The following DNAJB6 variants were observed in gnomAD, a reference collection of about 807,000 sequenced individuals.
The protein encoded by DNAJB6 is dnaJ homolog subfamily B member 6.
Under a neutral mutation model 42.7 loss-of-function variants are expected in DNAJB6, and 16 were observed. That is an observed-to-expected ratio of 0.37 (90% CI 0.25 to 0.57). The LOEUF (loss-of-function observed/expected upper bound fraction) is 0.57, where lower values mean the gene tolerates loss of function less well. Ranked by LOEUF, DNAJB6 falls within the 20% of genes least tolerant of loss-of-function variation. The probability of loss-of-function intolerance (pLI) is 0.74; values close to 1 mark genes in which losing one functional copy is unlikely to be tolerated. For missense variants in DNAJB6, 347 were observed against 416.8 expected, an observed-to-expected ratio of 0.83 and a Z score of 1.46; for synonymous variants, 170 against 163.5, an observed-to-expected ratio of 1.04 and a Z score of -0.30.
Position 157,348,096 on chromosome 7 carries a change from T to A in DNAJB6, c.-26-10451T>A, listed in dbSNP as rs1284074426. On this transcript the variant is annotated intron_variant, in intron 1 of 9. Coordinates refer to ENST00000262177, the MANE Select transcript of DNAJB6 (RefSeq NM_058246.4). ...CAGGCGTGAGCCACCATGCCTGGCC[T>A]TATTTTATTTTTTTGAGATGGAGTC... Among the ~76,000 whole-genome samples, 13 of 150,760 alleles carry A rather than the reference T, an allele frequency of 8.6e-5. 1 individual carries two copies. The highest frequency in any genetic ancestry group is 1.9e-4 in the Non-Finnish European group (13 of 67,788).
chr7:157,367,871 A>T (rs1286253841), intron 5 of DNAJB6, among the ~76,000 whole-genome samples: 1 of 152,158 alleles, frequency 6.6e-6, no homozygotes, highest in Non-Finnish European at 1.5e-5. Context: ...AAAAAAAAAA[A>T]AGTTAACATT....
chr7:157,408,189 C>T (rs2116634146), intron 8 of DNAJB6, among the ~76,000 whole-genome samples: 1 of 152,248 alleles, frequency 6.6e-6, no homozygotes, highest in Admixed American at 6.5e-5. Flanking sequence ...CAGCAGGGGT[C>T]CTGGGGTCCC....
rs1796104522 is a variant in DNAJB6, at chr7:157,416,201, C to G, written c.*103C>G. ...AGGTAGCAGCGTCGGTCAGGACTGT[C>G]TCGAGGCCACACTCGCTCGGCAGGA... On this transcript the variant is annotated 3_prime_UTR_variant, in exon 10 of 10. Transcript: ENST00000262177. The G allele has an allele frequency of 6.6e-7, 1 of 1,513,670 alleles. No homozygotes were observed. The highest frequency in any genetic ancestry group is 2.0e-5 in the Admixed American group (1 of 50,358). 93.8% of individuals were successfully genotyped at this position (1,513,670 alleles called of 1,614,324 possible). A position where few individuals can be genotyped will look rare whatever the true frequency, so the allele number is the denominator to read the frequency against.
At chr7:157,387,140 A>G (rs1370492526) in intron 8 of DNAJB6, among the ~76,000 whole-genome samples, 1 of 152,238 alleles carries the variant, frequency 6.6e-6, no homozygotes, top group Non-Finnish European at 1.5e-5. Context: ...GGGATACGCC[A>G]GAGCCCTTAA....
At chr7:157,404,511 C>CTT (rs1460990185) in intron 8 of DNAJB6, among the ~76,000 whole-genome samples, 33 of 58,590 alleles carry the variant, frequency 5.6e-4, no homozygotes, top group African/African-American at 1.9e-3. Flanking sequence ...TGTCTTTTTT[C>CTT]TTTTCTTTTT....
At chr7:157,401,691 G>A (rs1795524068) in intron 8 of DNAJB6, among the ~76,000 whole-genome samples, 1 of 152,224 alleles carries the variant, frequency 6.6e-6, no homozygotes, top group South Asian at 2.1e-4. Flanking sequence ...GTCAAGGTGG[G>A]TGGAACTAAG....
At chr7:157,382,440 A>T in intron 6 of DNAJB6, 63 bp downstream of exon 6, 1 of 1,516,386 alleles carries the variant, frequency 6.6e-7, no homozygotes. Context: ...TAAAATCATA[A>T]TACTCTTTTA....
chr7:157,358,206 C>T (rs959952585), intron 1 of DNAJB6, among the ~76,000 whole-genome samples: 9 of 152,228 alleles, frequency 5.9e-5, no homozygotes, highest in Non-Finnish European at 1.2e-4. Flanking sequence ...TCCCTGAGCA[C>T]AGACCGTGTC....
intron 1 of DNAJB6, among the ~76,000 whole-genome samples, chr7:157,341,196 C>G (rs1798361034): frequency 6.6e-6 from 1 of 152,138 alleles, no homozygotes; most frequent in Non-Finnish European, 1.5e-5. Context: ...GCCATCTCGG[C>G]TCACTGCAAC....
chr7:157,409,904 G>A lies in DNAJB6; in HGVS notation c.801G>A (p.Ser267=), dbSNP rs1252030610. 7.8e-6 allele frequency: 12 copies of A among 1,534,562 alleles called. No homozygotes were observed. The highest frequency in any genetic ancestry group is 2.1e-4 in the Middle Eastern group (1 of 4,748). Residue 267 remains serine, a synonymous_variant, in exon 9 of 10, where the codon TCG becomes TCA. Coordinates refer to ENST00000262177, the MANE Select transcript of DNAJB6 (RefSeq NM_058246.4). ...CGCCGAAGCCGCCCCGGCCTGCCTC[G>A]CTGCTGAGACACGCGCCTCACTGTC... ...LRPPKPPRPA[S]LLRHAPHCLS...
At chr7:157,367,749 C>T (rs908006416) in intron 5 of DNAJB6, among the ~76,000 whole-genome samples, 1 of 152,080 alleles carries the variant, frequency 6.6e-6, no homozygotes, top group African/African-American at 2.4e-5. Flanking sequence ...ATCCCAGCTA[C>T]TTGGGAGGCT....
At chr7:157,410,145 G>A (rs1795923529) in intron 9 of DNAJB6, 144 bp downstream of exon 9, 1 of 1,410,384 alleles carries the variant, frequency 7.1e-7, no homozygotes, top group Non-Finnish European at 9.2e-7. Context: ...GGAGGAGGTA[G>A]CCTCGCTCTG....
rs1379188183 is a variant in DNAJB6, at chr7:157,416,600, A to G, written c.*502A>G. Reference sequence around the variant, plus strand: ...GTCAGGGCACCTTTTCCTCAGAGCAATCCGGCCACACGAATAGAAGGCTGT... The same window carrying G: ...GTCAGGGCACCTTTTCCTCAGAGCAGTCCGGCCACACGAATAGAAGGCTGT... On this transcript the variant is annotated 3_prime_UTR_variant, in exon 10 of 10. Coordinates refer to ENST00000262177, the MANE Select transcript of DNAJB6 (RefSeq NM_058246.4). 2 of 153,810 alleles carry G rather than the reference A, an allele frequency of 1.3e-5. No homozygotes were observed. The highest frequency in any genetic ancestry group is 2.4e-5 in the African/African-American group (1 of 41,492). 9.5% of individuals were successfully genotyped at this position (153,810 alleles called of 1,614,324 possible). A position where few individuals can be genotyped will look rare whatever the true frequency, so the allele number is the denominator to read the frequency against.
chr7:157,400,281 G>A (rs1440144707), intron 8 of DNAJB6, among the ~76,000 whole-genome samples: 1 of 151,804 alleles, frequency 6.6e-6, no homozygotes, highest in Non-Finnish European at 1.5e-5. Context: ...GGGGATGCCC[G>A]GGTCCCCGCG....
chr7:157,347,761 A>G (rs1798761200), intron 1 of DNAJB6, among the ~76,000 whole-genome samples: 1 of 152,180 alleles, frequency 6.6e-6, no homozygotes, highest in Non-Finnish European at 1.5e-5. Context: ...CACGTTTAAA[A>G]TTACCTGTTG....
In DNAJB6 at chr7:157,410,264, G is replaced by A. The variant is rs145506489; in HGVS notation, c.898+263G>A. On this transcript the variant is annotated intron_variant, in intron 9 of 9. Transcript: ENST00000262177. ...GCGTGTTGCTCCGCAAAGGATGACA[G>A]AGCTGCCACGGCAGTGCGAGGTGCT... The A allele has an allele frequency of 6.2e-4, 461 of 749,472 alleles. 3 individuals are homozygous for A. Among genetic ancestry groups the A allele is most frequent in the Middle Eastern group, 3.2e-3 (8 of 2,466 alleles). The allele number at this position is 749,472 out of a possible 1,614,324, so 46.4% of individuals were successfully genotyped here. A position where few individuals can be genotyped will look rare whatever the true frequency, so the allele number is the denominator to read the frequency against.
At chr7:157,391,216 G>A (rs1290548951) in intron 8 of DNAJB6, among the ~76,000 whole-genome samples, 1 of 152,172 alleles carries the variant, frequency 6.6e-6, no homozygotes, top group Non-Finnish European at 1.5e-5. Context: ...GGTCATCAGG[G>A]AACTGTGGAG....
At chr7:157,372,995 G>T (rs1262332364) in intron 5 of DNAJB6, among the ~76,000 whole-genome samples, 2 of 152,168 alleles carry the variant, frequency 1.3e-5, no homozygotes, top group Non-Finnish European at 2.9e-5. Flanking sequence ...GCCTCCAACC[G>T]CTAGGCTCAA....
Position 157,374,463 on chromosome 7 carries a change from T to C in DNAJB6, c.346+6980T>C, listed in dbSNP as rs186738234. 1.8e-4 allele frequency among the ~76,000 whole-genome samples: 27 copies of C among 152,216 alleles called. No homozygotes were observed. The Middle Eastern group carries it at 0.01, about 58-fold the overall frequency. ...TATGAGAGACAGGGTTTCTTCATGT[T>C]GGTCAGGTTGGTCTCGAACTCCTGA... On this transcript the variant is annotated intron_variant, in intron 5 of 9. Coordinates refer to ENST00000262177, the MANE Select transcript of DNAJB6 (RefSeq NM_058246.4).
Sources: allele counts gnomAD v4.1 joint callset (sites outside exome capture counted in the v4.1 genomes callset), GRCh38; gene constraint gnomAD v4.1.1; transcripts MANE v1.5; gene names NCBI Gene and HGNC (gene_info 2026-07-23, HGNC 2026-07-21).